HNRNPA1L2: variants seen among roughly 807,000 people sequenced by gnomAD.
HNRNPA1L2 encodes the protein heterogeneous nuclear ribonucleoprotein A1-like 2.
Under a neutral mutation model 18.2 loss-of-function variants are expected in HNRNPA1L2, and 10 were observed. The observed-to-expected ratio is 0.55, with a 90% CI of 0.34 to 0.93. The LOEUF (loss-of-function observed/expected upper bound fraction) is 0.93. HNRNPA1L2 is among the 40% of genes least tolerant of loss of function. The pLI is 0.02. For synonymous variants in HNRNPA1L2, 124 were observed against 138.6 expected, an observed-to-expected ratio of 0.89 and a Z score of 0.74; for missense variants, 308 against 394.4, an observed-to-expected ratio of 0.78 and a Z score of 1.85.
At chr13:52,640,823 G>C (rs1301470962), upstream of HNRNPA1L2, 1 of 152,218 alleles carries the variant, frequency 6.6e-6, no homozygotes, top group East Asian at 1.9e-4. Context: ...CTTATGTCCT[G>C]GTATTTCTTA....
At chr13:52,619,814 G>A in the HNRNPA1L2 span, among the ~76,000 whole-genome samples, 1 of 151,502 alleles carries the variant, frequency 6.6e-6, no homozygotes, top group African/African-American at 2.4e-5. Context: ...CCCGCTACTC[G>A]GGAGGGTGAG....
At chr13:52,638,012 GCAAA>G (rs764397952), upstream of HNRNPA1L2, among the ~76,000 whole-genome samples, 16 of 152,118 alleles carry the variant, frequency 1.1e-4, no homozygotes, top group East Asian at 2.7e-3. Context: ...ACAAAAACAA[GCAAA>G]CAAAGGGCAT....
the HNRNPA1L2 span, among the ~76,000 whole-genome samples, chr13:52,619,919 CAAAAAAAAAAAA>C: frequency 1.4e-5 from 1 of 69,148 alleles, no homozygotes; most frequent in African/African-American, 5.6e-5. Context: ...GATTCCGTCT[CAAAAAAAAAAAA>C]AAAAAAAAAA....
At chr13:52,618,872 A>G in the HNRNPA1L2 span, among the ~76,000 whole-genome samples, 1 of 152,214 alleles carries the variant, frequency 6.6e-6, no homozygotes, top group Non-Finnish European at 1.5e-5. Context: ...GGAGTTACTT[A>G]TACATAATTT....
At chr13:52,629,364 C>G in the HNRNPA1L2 span, 1 of 226,042 alleles carries the variant, frequency 4.4e-6, no homozygotes, top group Non-Finnish European at 9.5e-6. Flanking sequence ...AAACAGGTAT[C>G]AGGCTTTGTA....
At position 52,642,998 on chromosome 13, in the gene HNRNPA1L2, C is replaced by A. The variant is rs1483322080; in HGVS notation, c.506C>A (p.Thr169Asn). The A allele has an allele frequency of 6.3e-7, 1 of 1,597,476 alleles. No homozygotes were observed. The highest frequency in any genetic ancestry group is 8.5e-7 in the Non-Finnish European group (1 of 1,179,796). ...VDKIVIQKYH[T>N]VKGHNCEVRK... ...AAGATTGTCATTCAGAAATACCATA[C>A]TGTGAAGGGCCACAACTGTGAAGTT... The change falls in exon 1 of 1, where the codon ACT becomes AAT. Residue 169 changes from threonine to asparagine, a missense_variant. By Grantham distance (65) the Thr-to-Asn change is moderately conservative (BLOSUM62 0). Coordinates refer to ENST00000357495, the MANE Select transcript of HNRNPA1L2 (RefSeq NM_001389320.1).
At chr13:52,633,630 A>G in the HNRNPA1L2 span, among the ~76,000 whole-genome samples, 1 of 152,156 alleles carries the variant, frequency 6.6e-6, no homozygotes, top group Non-Finnish European at 1.5e-5. Flanking sequence ...TGGGCAACAT[A>G]GTGAGATCCT....
chr13:52,635,526 A>G, the HNRNPA1L2 span, among the ~76,000 whole-genome samples: 65 of 151,982 alleles, frequency 4.3e-4, no homozygotes, highest in Middle Eastern at 3.4e-3. Context: ...AAATAGATAC[A>G]CCCGTGAAAC....
the HNRNPA1L2 span, among the ~76,000 whole-genome samples, chr13:52,635,963 A>G: frequency 6.6e-6 from 1 of 151,506 alleles, no homozygotes; most frequent in Non-Finnish European, 1.5e-5. Flanking sequence ...CAGTCTCCCG[A>G]GTAGCTGGGA....
chr13:52,641,495 A>G (rs1019944256), upstream of HNRNPA1L2: 3 of 152,106 alleles, frequency 2.0e-5, no homozygotes. Flanking sequence ...TGCTTCTGTA[A>G]TATTTTCCCC....
the HNRNPA1L2 span, among the ~76,000 whole-genome samples, chr13:52,619,513 G>C: frequency 6.6e-6 from 1 of 151,926 alleles, no homozygotes; most frequent in Admixed American, 6.6e-5. Context: ...GAGTTTCACT[G>C]TGTTGGCCAG....
chr13:52,631,901 A>C, the HNRNPA1L2 span, among the ~76,000 whole-genome samples: 1 of 152,232 alleles, frequency 6.6e-6, no homozygotes. Context: ...GCTTTATGAA[A>C]GGGAATGTTG....
chr13:52,634,446 C>T, the HNRNPA1L2 span, among the ~76,000 whole-genome samples: 3 of 152,154 alleles, frequency 2.0e-5, no homozygotes, highest in African/African-American at 7.2e-5. Context: ...AAGTAGCACA[C>T]AAATTTATGT....
At chr13:52,636,418 T>C in the HNRNPA1L2 span, among the ~76,000 whole-genome samples, 1 of 152,266 alleles carries the variant, frequency 6.6e-6, no homozygotes, top group Non-Finnish European at 1.5e-5. Flanking sequence ...ATGGCTCATT[T>C]TCAAAAGATG....
the HNRNPA1L2 span, among the ~76,000 whole-genome samples, chr13:52,626,495 A>G: frequency 6.6e-6 from 1 of 151,482 alleles, no homozygotes; most frequent in Non-Finnish European, 1.5e-5. Flanking sequence ...GGATGTTTTT[A>G]TATTAACTTG....
chr13:52,643,012 A>C lies in HNRNPA1L2; in HGVS notation c.520A>C (p.Asn174His), dbSNP rs1594217079. 2.5e-6 allele frequency: 4 copies of C among 1,597,620 alleles called. No individual in the cohort carries two copies. The East Asian group carries it at 8.9e-5, about 36-fold the overall frequency. Reference protein sequence around the residue: ...IQKYHTVKGHNCEVRKALPKQ... With the variant: ...IQKYHTVKGHHCEVRKALPKQ... ...GAAATACCATACTGTGAAGGGCCAC[A>C]ACTGTGAAGTTAGAAAAGCCCTGCC... Residue 174 changes from asparagine to histidine, a missense_variant, in exon 1 of 1, where the codon AAC (asparagine) becomes CAC (histidine). By Grantham distance (68) the Asn-to-His change is moderately conservative (BLOSUM62 1). Coordinates refer to ENST00000357495, the MANE Select transcript of HNRNPA1L2 (RefSeq NM_001389320.1).
the HNRNPA1L2 span, among the ~76,000 whole-genome samples, chr13:52,631,580 G>C: frequency 1.2e-4 from 18 of 152,320 alleles, no homozygotes; most frequent in East Asian, 3.5e-3. Flanking sequence ...GAACCTGCTA[G>C]AGGAAAACTT....
rs1483322080 is a variant in HNRNPA1L2, at chr13:52,642,998, C to T, written c.506C>T (p.Thr169Ile). 6.3e-7 allele frequency: 1 copy of T among 1,597,476 alleles called. No homozygotes were observed. Among genetic ancestry groups the T allele is most frequent in the Non-Finnish European group, 8.5e-7 (1 of 1,179,796 alleles). ...VDKIVIQKYH[T>I]VKGHNCEVRK... ...AAGATTGTCATTCAGAAATACCATACTGTGAAGGGCCACAACTGTGAAGTT... is the reference window on the plus strand; with the variant it reads ...AAGATTGTCATTCAGAAATACCATATTGTGAAGGGCCACAACTGTGAAGTT... Residue 169 changes from threonine (T) to isoleucine (I), a missense_variant, in exon 1 of 1, where the codon ACT becomes ATT. Thr to Ile is a moderately conservative substitution (Grantham distance 89). Coordinates refer to ENST00000357495, the MANE Select transcript of HNRNPA1L2 (RefSeq NM_001389320.1).
chr13:52,624,707 A>G, the HNRNPA1L2 span, among the ~76,000 whole-genome samples: 7 of 152,236 alleles, frequency 4.6e-5, no homozygotes, highest in Non-Finnish European at 7.3e-5. Context: ...TATATTAGGT[A>G]TTACAAGTAA....
Sources: gnomAD v4.1 joint callset for allele counts (sites outside exome capture counted in the v4.1 genomes callset) on GRCh38, gnomAD v4.1.1 for gene constraint, MANE v1.5 for transcripts, NCBI Gene and HGNC (gene_info 2026-07-23, HGNC 2026-07-21) for gene names.